Variants in TPST1 observed in about 807,000 individuals in gnomAD.
TPST1 encodes the protein tyrosylprotein sulfotransferase 1.
Under a neutral mutation model 34.8 loss-of-function variants are expected in TPST1, and 20 were observed. That is an observed-to-expected ratio of 0.57 (90% CI 0.40 to 0.84). The LOEUF (loss-of-function observed/expected upper bound fraction) is 0.84, where lower values mean the gene tolerates loss of function less well. Ranked by LOEUF, TPST1 falls within the 40% of genes least tolerant of loss-of-function variation. The pLI is 0.00. For missense variants in TPST1, 353 were observed against 455.5 expected (o/e 0.78, Z 2.05); for synonymous variants, 152 against 159.4 (o/e 0.95, Z 0.35).
At chr7:66,311,129 G>GTC (rs1428075679) in intron 3 of TPST1, among the ~76,000 whole-genome samples, 5 of 150,600 alleles carry the variant, frequency 3.3e-5, no homozygotes, top group Admixed American at 2.6e-4. Flanking sequence ...GAAGTATTTT[G>GTC]TCTTTTTTTT....
chr7:66,240,357 T>C lies in TPST1; in HGVS notation c.-69T>C. Reference sequence around the variant, plus strand: ...TTATCTTTCTGAAGTAGACTGTCCATGGCCTGAACATTTTCCGAAAATCAT... The same window carrying C: ...TTATCTTTCTGAAGTAGACTGTCCACGGCCTGAACATTTTCCGAAAATCAT... On this transcript the variant is annotated 5_prime_UTR_variant, in exon 2 of 6. An upstream start codon of the reference 5' UTR is lost. Transcript: ENST00000304842. 1 of 1,543,132 alleles carries C rather than the reference T, an allele frequency of 6.5e-7. No homozygotes were observed. The highest frequency in any genetic ancestry group is 8.8e-7 in the Non-Finnish European group (1 of 1,142,608).
chr7:66,274,129 G>A (rs1790758724), intron 2 of TPST1, among the ~76,000 whole-genome samples: 1 of 151,898 alleles, frequency 6.6e-6, no homozygotes, highest in Admixed American at 6.6e-5. Flanking sequence ...AGCACTTTGG[G>A]AGGCCGAGGT....
chr7:66,303,987 G>T (rs1213535537), intron 3 of TPST1, among the ~76,000 whole-genome samples: 5 of 152,178 alleles, frequency 3.3e-5, no homozygotes, highest in African/African-American at 9.6e-5. Flanking sequence ...CAAAGCCCCA[G>T]AGGTTGTGGC....
chr7:66,307,569 G>T (rs1791450331), intron 3 of TPST1, among the ~76,000 whole-genome samples: 1 of 152,228 alleles, frequency 6.6e-6, no homozygotes, highest in South Asian at 2.1e-4. Context: ...AGTAAAAGCA[G>T]TGTCCTTTTT....
intron 3 of TPST1, among the ~76,000 whole-genome samples, chr7:66,349,703 T>C (rs1161494784): frequency 1.3e-5 from 2 of 152,180 alleles, no homozygotes; most frequent in Non-Finnish European, 2.9e-5. Flanking sequence ...CAGAGTGGAC[T>C]GTGGGCCTGA....
intron 2 of TPST1, among the ~76,000 whole-genome samples, chr7:66,241,483 T>C (rs1790035091): frequency 1.3e-5 from 2 of 152,224 alleles, no homozygotes; most frequent in Admixed American, 1.3e-4. Context: ...CACTTATTTA[T>C]ACTTCATTTT....
Position 66,319,132 on chromosome 7 carries a change from G to A in TPST1, c.1044+32423G>A, listed in dbSNP as rs998295342. Among the ~76,000 whole-genome samples the A allele has an allele frequency of 2.6e-5, 4 of 151,426 alleles. No homozygotes were observed. In the South Asian group the frequency reaches 8.3e-4, roughly 32 times the overall value. On this transcript the variant is annotated intron_variant, in intron 3 of 5. Transcript: ENST00000304842. ...ATTTTATCAGTTCTATAAAATTCTC[G>A]ACCATTTTTCTTTGAATATTTCTTC...
At chr7:66,295,372 C>G (rs982977915) in intron 3 of TPST1, among the ~76,000 whole-genome samples, 1 of 151,946 alleles carries the variant, frequency 6.6e-6, no homozygotes, top group African/African-American at 2.4e-5. Context: ...GCACATGCCT[C>G]TGGTTTCAGC....
Position 66,316,860 on chromosome 7 carries a change from G to C in TPST1, c.1044+30151G>C, listed in dbSNP as rs543607772. 3.1e-4 allele frequency among the ~76,000 whole-genome samples: 47 copies of C among 152,204 alleles called. No individual in the cohort carries two copies. The Middle Eastern group carries it at 0.017, about 55-fold the overall frequency. ...TACCACGTGTTCTCACTTATAAGGG[G>C]GCACTAAATGATGAGAACACATGGA... On this transcript the variant is annotated intron_variant, in intron 3 of 5. Transcript: ENST00000304842.
chr7:66,224,413 G>C (rs1055933580), intron 1 of TPST1, among the ~76,000 whole-genome samples: 2 of 152,218 alleles, frequency 1.3e-5, no homozygotes, highest in Non-Finnish European at 2.9e-5. Context: ...TCATGAATGG[G>C]TATGAGAGGC....
chr7:66,268,327 G>A (rs1340496691), intron 2 of TPST1, among the ~76,000 whole-genome samples: 1 of 152,104 alleles, frequency 6.6e-6, no homozygotes, highest in African/African-American at 2.4e-5. Flanking sequence ...CCAGTTTAAT[G>A]CTGCTGTTGA....
chr7:66,349,314 G>A (rs1419712552), intron 3 of TPST1, among the ~76,000 whole-genome samples: 1 of 152,298 alleles, frequency 6.6e-6, no homozygotes, highest in East Asian at 1.9e-4. Flanking sequence ...GCTCACACCT[G>A]TAATGCAGCA....
At position 66,286,546 on chromosome 7, in the gene TPST1, TC is replaced by T; in HGVS notation, c.882del (p.Asn295MetfsTer2). The part of the protein sequence containing the change: ...ERSTDQVIKP[V>X]NVGALSKWVG... ...TCTACAGACCAAGTAATCAAGCCAG[TC>T]AATGTAGGAGCTCTATCAAAATGGG... On this transcript the variant is annotated frameshift_variant, in exon 3 of 6. Transcript: ENST00000304842. LOFTEE classifies it high-confidence loss of function. 6.2e-7 allele frequency: 1 copy of T among 1,602,450 alleles called. No individual in the cohort carries two copies.
In TPST1 at chr7:66,326,815, A is replaced by G. The variant is rs540715877; in HGVS notation, c.1045-25690A>G. ...AAATTCTATCTACTGTTGGAATAGA[A>G]AGAATATCATGCTTCTAGACTGACT... On this transcript the variant is annotated intron_variant, in intron 3 of 5. Transcript: ENST00000304842. 7.9e-5 allele frequency among the ~76,000 whole-genome samples: 12 copies of G among 152,366 alleles called. No homozygotes were observed. In the East Asian group the frequency reaches 2.1e-3, roughly 27 times the overall value.
At chr7:66,208,655 G>T (rs1268542205) in intron 1 of TPST1, among the ~76,000 whole-genome samples, 1 of 151,898 alleles carries the variant, frequency 6.6e-6, no homozygotes, top group Non-Finnish European at 1.5e-5. Context: ...TTTTAGTAGA[G>T]ACAGGGTTTC....
intron 3 of TPST1, among the ~76,000 whole-genome samples, chr7:66,329,577 G>A (rs1185682593): frequency 1.3e-5 from 2 of 152,156 alleles, no homozygotes; most frequent in Admixed American, 6.5e-5. Context: ...CTATATGACT[G>A]GCGTTTCTCC....
At chr7:66,325,823 A>G (rs559241537) in intron 3 of TPST1, among the ~76,000 whole-genome samples, 1 of 152,188 alleles carries the variant, frequency 6.6e-6, no homozygotes, top group East Asian at 1.9e-4. Flanking sequence ...TTTAGTAGAG[A>G]CAGGGTTTCA....
At chr7:66,348,111 C>G (rs1792392671) in intron 3 of TPST1, among the ~76,000 whole-genome samples, 1 of 152,120 alleles carries the variant, frequency 6.6e-6, no homozygotes, top group Admixed American at 6.5e-5. Flanking sequence ...CTCCTTGTCC[C>G]TCACATCCCA....
intron 1 of TPST1, among the ~76,000 whole-genome samples, chr7:66,233,728 A>G (rs1789846577): frequency 2.0e-5 from 3 of 152,220 alleles, no homozygotes; most frequent in Admixed American, 6.5e-5. Flanking sequence ...AATCAGTGAT[A>G]CCTGACTACG....
Sources: allele counts gnomAD v4.1 joint callset (sites outside exome capture counted in the v4.1 genomes callset), GRCh38; gene constraint gnomAD v4.1.1; transcripts MANE v1.5; gene names NCBI Gene and HGNC (gene_info 2026-07-23, HGNC 2026-07-21).